CNTNAP2: variants seen among roughly 807,000 people sequenced by gnomAD.
CNTNAP2 encodes the protein contactin-associated protein-like 2.
A neutral mutation model predicts 155.2 loss-of-function variants in CNTNAP2; 98 were observed. The ratio of observed to expected loss-of-function variants is 0.63; its 90% CI spans 0.54 to 0.75. CNTNAP2 has a LOEUF of 0.75. Among genes scored for constraint, CNTNAP2 ranks in the 30% least tolerant of loss-of-function variants. CNTNAP2 has a pLI of 0.00. For missense variants in CNTNAP2, 1,727 were observed against 1,688.1 expected (o/e 1.02, Z -0.40); for synonymous variants, 651 against 631.2 (o/e 1.03, Z -0.47).
intron 12 of CNTNAP2, among the ~76,000 whole-genome samples, chr7:147,635,349 C>T (rs192705875): frequency 2.0e-5 from 3 of 151,552 alleles, no homozygotes; most frequent in Non-Finnish European, 4.4e-5. Flanking sequence ...ATCTTGAATT[C>T]GTGGGTTCAA....
At chr7:146,596,630 A>AGG (rs1275068334) in intron 1 of CNTNAP2, among the ~76,000 whole-genome samples, 1 of 149,416 alleles carries the variant, frequency 6.7e-6, no homozygotes, top group East Asian at 2.0e-4. Flanking sequence ...AGAGAGAGAG[A>AGG]GAGAGAGAGA....
rs892834334 is a variant in CNTNAP2, at chr7:146,254,233, C to T, written c.97+137260C>T. The stretch of plus-strand genomic sequence containing the variant: ...ATAGCAGAATTGAAAGCTTACATAA[C>T]TGTGCAAGCTTTGGATTCTGCTATT... On this transcript the variant is annotated intron_variant, in intron 1 of 23. Transcript: ENST00000361727. Among the ~76,000 whole-genome samples, 4 of 151,998 alleles carry T rather than the reference C, an allele frequency of 2.6e-5. No individual in the cohort carries two copies. In the East Asian group the frequency reaches 7.7e-4, roughly 29 times the overall value.
chr7:147,353,790 A>G (rs762867400), intron 9 of CNTNAP2, among the ~76,000 whole-genome samples: 1 of 152,044 alleles, frequency 6.6e-6, no homozygotes, highest in Non-Finnish European at 1.5e-5. Context: ...ATATTTCTCC[A>G]CATCTTCTCC....
At chr7:147,176,208 A>G (rs1802335063) in intron 8 of CNTNAP2, among the ~76,000 whole-genome samples, 1 of 152,236 alleles carries the variant, frequency 6.6e-6, no homozygotes. Flanking sequence ...ATCAAGACAT[A>G]ATTGAATAGG....
chr7:148,305,423 T>C (rs1001742064), intron 21 of CNTNAP2, among the ~76,000 whole-genome samples: 4 of 152,122 alleles, frequency 2.6e-5, no homozygotes, highest in African/African-American at 9.7e-5. Context: ...TTTCATTTTC[T>C]TGGAAACTTC....
intron 3 of CNTNAP2, among the ~76,000 whole-genome samples, chr7:146,886,109 C>T (rs895467444): frequency 6.6e-6 from 1 of 151,856 alleles, no homozygotes; most frequent in Non-Finnish European, 1.5e-5. Flanking sequence ...GGTTTATTCA[C>T]CCCTCAACCC....
At chr7:146,180,938 CAGG>C (rs1798540740) in intron 1 of CNTNAP2, among the ~76,000 whole-genome samples, 1 of 152,048 alleles carries the variant, frequency 6.6e-6, no homozygotes, top group Admixed American at 6.6e-5. Flanking sequence ...AACACAAAAG[CAGG>C]AGGAGGGATA....
chr7:146,229,177 C>T (rs746044893), intron 1 of CNTNAP2, among the ~76,000 whole-genome samples: 1 of 152,194 alleles, frequency 6.6e-6, no homozygotes, highest in South Asian at 2.1e-4. Flanking sequence ...GAATTGCCAT[C>T]GGGTCACTTT....
chr7:148,070,281 T>A (rs1290387155), intron 15 of CNTNAP2, among the ~76,000 whole-genome samples: 1 of 152,202 alleles, frequency 6.6e-6, no homozygotes, highest in African/African-American at 2.4e-5. Flanking sequence ...TCCTCTGAAA[T>A]AGACATTGCA....
intron 2 of CNTNAP2, among the ~76,000 whole-genome samples, chr7:146,833,162 A>C (rs1410987192): frequency 6.6e-6 from 1 of 152,142 alleles, no homozygotes; most frequent in Non-Finnish European, 1.5e-5. Flanking sequence ...AATTACTGCT[A>C]TTTTTAATGA....
At chr7:147,671,605 C>G (rs1297826500) in intron 13 of CNTNAP2, 1 of 146,602 alleles carries the variant, frequency 6.8e-6, no homozygotes. Context: ...ACAGAATGTT[C>G]CCCAAATTGT....
At chr7:148,040,358 A>G (rs113222728) in intron 15 of CNTNAP2, among the ~76,000 whole-genome samples, 3,235 of 152,332 alleles carry the variant, frequency 0.021, 59 homozygotes, top group Non-Finnish European at 0.028. Context: ...AAGAAAAAGC[A>G]GGAAATTACC....
intron 14 of CNTNAP2, among the ~76,000 whole-genome samples, chr7:147,905,261 G>A (rs544909217): frequency 7.0e-4 from 107 of 152,242 alleles, no homozygotes; most frequent in African/African-American, 2.6e-3. Context: ...CTGACATTGG[G>A]TTCAGCCTCC....
intron 15 of CNTNAP2, among the ~76,000 whole-genome samples, chr7:148,040,122 C>T (rs1802643372): frequency 6.6e-6 from 1 of 152,126 alleles, no homozygotes; most frequent in African/African-American, 2.4e-5. Context: ...TCACTTGTTG[C>T]CCTTTAAATT....
intron 1 of CNTNAP2, among the ~76,000 whole-genome samples, chr7:146,395,668 G>A (rs1584904932): frequency 6.6e-6 from 1 of 152,054 alleles, no homozygotes. Context: ...GTTAAAAAGT[G>A]CATTCGATGT....
chr7:148,201,568 A>ATAG (rs900161211), intron 18 of CNTNAP2, among the ~76,000 whole-genome samples: 6 of 152,302 alleles, frequency 3.9e-5, no homozygotes, highest in African/African-American at 1.4e-4. Context: ...TCCCTTTTTT[A>ATAG]TAGACATGGG....
At chr7:147,895,340 C>T (rs1189995502) in intron 13 of CNTNAP2, among the ~76,000 whole-genome samples, 4 of 152,066 alleles carry the variant, frequency 2.6e-5, no homozygotes, top group South Asian at 4.1e-4. Flanking sequence ...TTCTCCCTTT[C>T]CCAGTTTAAT....
intron 1 of CNTNAP2, among the ~76,000 whole-genome samples, chr7:146,510,606 C>T (rs1797450822): frequency 6.6e-6 from 1 of 152,152 alleles, no homozygotes; most frequent in African/African-American, 2.4e-5. Flanking sequence ...TTAATTCTTG[C>T]AATCCACAGA....
At chr7:146,623,080 C>A (rs1055996996) in intron 1 of CNTNAP2, among the ~76,000 whole-genome samples, 1 of 151,826 alleles carries the variant, frequency 6.6e-6, no homozygotes, top group Admixed American at 6.6e-5. Context: ...TAGTGGTAGC[C>A]CCCTGGAGAA....
Sources: gnomAD v4.1 joint callset for allele counts (sites outside exome capture counted in the v4.1 genomes callset) on GRCh38, gnomAD v4.1.1 for gene constraint, MANE v1.5 for transcripts, NCBI Gene and HGNC (gene_info 2026-07-23, HGNC 2026-07-21) for gene names.